PIK3C2B: variants seen among roughly 807,000 people sequenced by gnomAD.
PIK3C2B encodes phosphatidylinositol 4-phosphate 3-kinase C2 domain-containing subunit beta.
Under a neutral mutation model 184.3 loss-of-function variants are expected in PIK3C2B, and 83 were observed. The observed-to-expected ratio is 0.45, with a 90% CI of 0.38 to 0.54. The LOEUF (loss-of-function observed/expected upper bound fraction) is 0.54. Among genes scored for constraint, PIK3C2B ranks in the 20% least tolerant of loss-of-function variants. PIK3C2B has a pLI of 0.00. For synonymous variants in PIK3C2B, 779 were observed against 837.6 expected (o/e 0.93, Z 1.21); for missense variants, 1,736 against 2,113.5 (o/e 0.82, Z 3.50).
chr1:204,434,524 T>C lies in PIK3C2B; in HGVS notation c.3601A>G (p.Ile1201Val). Reference sequence around the variant, plus strand: ...ATGTGACCAGTGGTCTTCAGCATGATGTTGTCATTATGTCGGTCACAGATG... The same window carrying C: ...ATGTGACCAGTGGTCTTCAGCATGACGTTGTCATTATGTCGGTCACAGATG... ...LGICDRHNDN[I>V]MLKTTGHMFH... is the part of the protein sequence containing the mutation. The change falls in exon 24 of 33, where the codon ATC (isoleucine) becomes GTC (valine). Residue 1201 changes from isoleucine (I) to valine (V), a missense_variant. Ile to Val is a conservative substitution (Grantham distance 29). Around this residue, in one of 8 missense-constraint regions of PIK3C2B, gnomAD observed 17 missense variants for 57.2 expected, o/e 0.30. Transcript: ENST00000684373. 6.2e-7 allele frequency: 1 copy of C among 1,614,188 alleles called. No individual in the cohort carries two copies.
intron 1 of PIK3C2B, among the ~76,000 whole-genome samples, chr1:204,474,572 A>T (rs1656569220): frequency 6.6e-6 from 1 of 151,756 alleles, no homozygotes. Flanking sequence ...TCATGAAGAT[A>T]TTTTTTTCTT....
rs776501561 is a variant in PIK3C2B at position 204,424,056 on chromosome 1, GAAGAC to G, written c.*791_*795del. ...TCAGGGCAAGTCCTAATAAAGTAGG[GAAGAC>G]AAGAGGAAAAGTCCCCCCAAAAGAG... On this transcript the variant is annotated 3_prime_UTR_variant, in exon 33 of 33. Transcript: ENST00000684373. 3 of 152,860 alleles carry G rather than the reference GAAGAC, an allele frequency of 2.0e-5. No individual in the cohort carries two copies. The highest frequency in any genetic ancestry group is 4.8e-5 in the African/African-American group (2 of 41,448). 9.5% of individuals were successfully genotyped at this position (152,860 alleles called of 1,614,324 possible).
intron 24 of PIK3C2B, among the ~76,000 whole-genome samples, 188 bp downstream of exon 24, chr1:204,434,251 G>A (rs1179504016): frequency 2.6e-5 from 4 of 152,172 alleles, no homozygotes; most frequent in South Asian, 2.1e-4. Context: ...GCTGGTCCCC[G>A]CATTCTTCTG....
At chr1:204,485,230 G>C (rs1657491195) in intron 1 of PIK3C2B, among the ~76,000 whole-genome samples, 2 of 151,854 alleles carry the variant, frequency 1.3e-5, no homozygotes, top group African/African-American at 4.8e-5. Flanking sequence ...CCCGTTCTTA[G>C]AATCCTTCAG....
intron 19 of PIK3C2B, among the ~76,000 whole-genome samples, chr1:204,442,943 G>A (rs1675750709): frequency 6.6e-6 from 1 of 152,226 alleles, no homozygotes; most frequent in African/African-American, 2.4e-5. Flanking sequence ...GCCAAGAAAA[G>A]CTAACAATCT....
intron 22 of PIK3C2B, among the ~76,000 whole-genome samples, chr1:204,439,370 A>G (rs1675520602): frequency 6.6e-6 from 1 of 152,212 alleles, no homozygotes; most frequent in Non-Finnish European, 1.5e-5. Context: ...ATGACTTCAC[A>G]TGTAACTATC....
chr1:204,456,910 A>ACACC (rs1250902102), intron 10 of PIK3C2B, 127 bp downstream of exon 10: 20 of 172,010 alleles, frequency 1.2e-4, no homozygotes, highest in South Asian at 4.1e-4. Flanking sequence ...ACACACACCC[A>ACACC]CACACACACA....
At chr1:204,441,599 T>C (rs749675465) in intron 20 of PIK3C2B, 36 bp from the exon 21 acceptor site, 1 of 1,477,966 alleles carries the variant, frequency 6.8e-7, no homozygotes, top group Non-Finnish European at 9.4e-7. Context: ...AGGGTCAGAG[T>C]GGCCCATGCC....
In PIK3C2B at chr1:204,443,555, G is replaced by T; in HGVS notation, c.2910C>A (p.Arg970=). The T allele has an allele frequency of 6.2e-7, 1 of 1,614,238 alleles. No individual in the cohort carries two copies. The highest frequency in any genetic ancestry group is 8.5e-7 in the Non-Finnish European group (1 of 1,180,042). Residue 970 remains arginine (R), a synonymous_variant, in exon 19 of 33, where the codon CGC becomes CGA. Transcript: ENST00000684373. ...DGLKDSQFSI[R]YQYLLAALLC... ...GTAAGGCTGCCAGCAGATACTGGTA[G>T]CGGATGCTGAACTGAGAGTCCTTGA...
At position 204,463,996 on chromosome 1, in the gene PIK3C2B, C is replaced by G; in HGVS notation, c.1310+16G>C. 1 of 1,612,988 alleles carries G rather than the reference C, an allele frequency of 6.2e-7. No individual in the cohort carries two copies. The highest frequency in any genetic ancestry group is 1.3e-5 in the African/African-American group (1 of 75,018). On this transcript the variant is annotated intron_variant, in intron 5 of 32. Transcript: ENST00000684373. ...CTACCAGGAAGGCAGGGGCTACCTCCCACCCATTCACTCACTTCTGCAGGA... is the reference window on the plus strand; with the variant it reads ...CTACCAGGAAGGCAGGGGCTACCTCGCACCCATTCACTCACTTCTGCAGGA...
At chr1:204,467,166 C>G in intron 2 of PIK3C2B, 1 of 322,344 alleles carries the variant, frequency 3.1e-6, no homozygotes, top group South Asian at 2.5e-5. Flanking sequence ...GTAGGGGAGG[C>G]AGGAGAGAGA....
chr1:204,454,819 C>T (rs777080310), intron 11 of PIK3C2B, 28 bp from the exon 12 acceptor site: 7 of 1,598,492 alleles, frequency 4.4e-6, no homozygotes, highest in South Asian at 1.1e-5. Context: ...CAGGTCAGGA[C>T]ACCCAGCTCC....
chr1:204,468,791 T>A lies in PIK3C2B; in HGVS notation c.933+79A>T, dbSNP rs1030965625. The A allele has an allele frequency of 1.6e-5, 20 of 1,274,524 alleles. No homozygotes were observed. In the African/African-American group the frequency reaches 2.8e-4, roughly 18 times the overall value. 79.0% of individuals were successfully genotyped at this position (1,274,524 alleles called of 1,614,324 possible). ...GGGGTAAGGACTTGGCAGAGTTGGA[T>A]GTAGAACAGCAGAGACTAGTCCCTG... On this transcript the variant is annotated intron_variant, in intron 2 of 32. Coordinates refer to ENST00000684373, the MANE Select transcript of PIK3C2B (RefSeq NM_001377334.1).
Position 204,469,459 on chromosome 1 carries a change from G to A in PIK3C2B, c.344C>T (p.Ser115Leu), listed in dbSNP as rs201993712. The change falls in exon 2 of 33, where the codon TCA (serine) becomes TTA (leucine). Residue 115 changes from serine (S) to leucine (L), a missense_variant. Transcript: ENST00000684373. ...HSTSQGPQPG[S>L]DPWPKGSLSG... ...CAGGGAGCCTTTGGGCCAGGGATCT[G>A]AGCCAGGCTGTGGCCCTTGGGAGGT... The A allele has an allele frequency of 2.5e-6, 4 of 1,596,886 alleles. No individual in the cohort carries two copies. The Admixed American group carries it at 7.0e-5, about 28-fold the overall frequency.
chr1:204,461,563 G>C (rs1383021168), intron 5 of PIK3C2B, among the ~76,000 whole-genome samples: 4 of 152,182 alleles, frequency 2.6e-5, no homozygotes, highest in Admixed American at 1.3e-4. Context: ...GAGCATAAGG[G>C]GGGCAGTATA....
intron 2 of PIK3C2B, among the ~76,000 whole-genome samples, chr1:204,467,821 G>A (rs1407230405): frequency 3.6e-4 from 21 of 58,386 alleles, no homozygotes; most frequent in African/African-American, 1.1e-3. Flanking sequence ...GTGACAGAGT[G>A]AGACTCTGTC....
chr1:204,475,813 C>G (rs1220405166), intron 1 of PIK3C2B, among the ~76,000 whole-genome samples: 2 of 152,204 alleles, frequency 1.3e-5, no homozygotes, highest in Non-Finnish European at 2.9e-5. Context: ...CGAGCTACCC[C>G]TCTCTAACCA....
chr1:204,447,994 G>T lies in PIK3C2B; in HGVS notation c.2347-416C>A. On this transcript the variant is annotated intron_variant, in intron 14 of 32. Coordinates refer to ENST00000684373, the MANE Select transcript of PIK3C2B (RefSeq NM_001377334.1). The surrounding 1 kb of genome is among the most constrained non-coding windows in gnomAD (Gnocchi z 4.1). ...GACCACACACTGGGAGAAGGCCCTG[G>T]GACACTCGGTCCCTACTCTATGCCA... 6.6e-6 allele frequency among the ~76,000 whole-genome samples: 1 copy of T among 152,110 alleles called. No homozygotes were observed. Among genetic ancestry groups the T allele is most frequent in the East Asian group, 1.9e-4 (1 of 5,190 alleles).
Position 204,452,025 on chromosome 1 carries a change from G to A in PIK3C2B, c.2067-2008C>T, listed in dbSNP as rs141302190. On this transcript the variant is annotated intron_variant, in intron 12 of 32. Coordinates refer to ENST00000684373, the MANE Select transcript of PIK3C2B (RefSeq NM_001377334.1). ...AAGACTGTCCTCTGAACGCTGGCAC[G>A]CCTTCCCCCAAATGTCCTGGTCTTG... is the stretch of plus-strand genomic sequence containing the variant. 1.1e-3 allele frequency among the ~76,000 whole-genome samples: 173 copies of A among 152,226 alleles called. 2 individuals carry two copies. Among genetic ancestry groups the A allele is most frequent in the African/African-American group, 4.0e-3 (168 of 41,546 alleles).
Sources: allele counts gnomAD v4.1 joint callset (sites outside exome capture counted in the v4.1 genomes callset), GRCh38; gene constraint gnomAD v4.1.1; regional missense constraint gnomAD v4.1.1; non-coding constraint Gnocchi (gnomAD v3.1); transcripts MANE v1.5; gene names NCBI Gene and HGNC (gene_info 2026-07-23, HGNC 2026-07-21).